NCALD: variants seen among roughly 807,000 people sequenced by gnomAD.
The protein encoded by NCALD is neurocalcin delta.
In NCALD, 10 loss-of-function variants were observed where a neutral mutation model predicts 18.6. The observed-to-expected ratio is 0.54, with a 90% CI of 0.33 to 0.91. The LOEUF is 0.91. Ranked by LOEUF, NCALD falls within the 40% of genes least tolerant of loss-of-function variation. NCALD has a pLI of 0.03. For synonymous variants in NCALD, 88 were observed against 87.4 expected, an observed-to-expected ratio of 1.01 and a Z score of -0.04; for missense variants, 184 against 247.6, an observed-to-expected ratio of 0.74 and a Z score of 1.72.
chr8:101,966,598 A>G (rs546006921), intron 2 of NCALD, among the ~76,000 whole-genome samples: 3 of 152,156 alleles, frequency 2.0e-5, no homozygotes, highest in Admixed American at 6.5e-5. Context: ...AAACCTGCAC[A>G]TTGTGCACAT....
intron 4 of NCALD, among the ~76,000 whole-genome samples, chr8:101,797,816 A>C (rs1018385700): frequency 2.7e-5 from 4 of 149,210 alleles, no homozygotes; most frequent in Admixed American, 1.3e-4. Flanking sequence ...CTCCATCTCA[A>C]AAAAAAAAAA....
At chr8:101,736,211 G>A (rs563914516) in intron 1 of NCALD, among the ~76,000 whole-genome samples, 1 of 152,228 alleles carries the variant, frequency 6.6e-6, no homozygotes, top group African/African-American at 2.4e-5. Context: ...GTCCTGCTCT[G>A]CTGAGAAGCT....
intron 1 of NCALD, among the ~76,000 whole-genome samples, chr8:102,054,108 C>T (rs918189277): frequency 2.0e-5 from 3 of 152,212 alleles, no homozygotes; most frequent in African/African-American, 7.2e-5. Context: ...AGAGTCAAAT[C>T]TTTCTTTCAG....
At chr8:101,974,259 A>G (rs7823856) in intron 2 of NCALD, among the ~76,000 whole-genome samples, 58,039 of 152,102 alleles carry the variant, frequency 0.38, 11,285 homozygotes, top group South Asian at 0.45. Flanking sequence ...CACCAACCTA[A>G]TATAAATAAA....
intron 1 of NCALD, among the ~76,000 whole-genome samples, chr8:102,082,039 C>A (rs1824555793): frequency 6.6e-6 from 1 of 152,062 alleles, no homozygotes; most frequent in Non-Finnish European, 1.5e-5. Flanking sequence ...AGCCCAACAT[C>A]CCCCTCGCCC....
chr8:101,760,693 T>C (rs1811076323), intron 1 of NCALD, among the ~76,000 whole-genome samples: 1 of 152,230 alleles, frequency 6.6e-6, no homozygotes, highest in South Asian at 2.1e-4. Context: ...GGTGTGGCTA[T>C]AGCCTATGTT....
chr8:102,079,204 A>T (rs964408627), intron 1 of NCALD, among the ~76,000 whole-genome samples: 1 of 152,194 alleles, frequency 6.6e-6, no homozygotes, highest in Non-Finnish European at 1.5e-5. Flanking sequence ...AGCTTCAGTG[A>T]GCTTTAGCTT....
intron 2 of NCALD, among the ~76,000 whole-genome samples, chr8:101,700,295 C>T (rs1285513173): frequency 6.6e-6 from 1 of 152,118 alleles, no homozygotes; most frequent in Non-Finnish European, 1.5e-5. Flanking sequence ...AACTCCTGGG[C>T]TTCCTGCCTC....
rs192705623 is a variant in NCALD, at chr8:102,084,542, C to A, written c.-210+39695G>T. On this transcript the variant is annotated intron_variant, in intron 1 of 6. Transcript: ENST00000311028. ...TGCTTCCAGGGTTTATGCCCCTTCT[C>A]CCCTGATTCTTCCCTTGATGGGGTG... 6.6e-5 allele frequency among the ~76,000 whole-genome samples: 10 copies of A among 152,362 alleles called. No individual in the cohort carries two copies. The East Asian group carries it at 1.3e-3, about 21-fold the overall frequency.
chr8:102,028,404 C>T (rs184335674), intron 1 of NCALD, among the ~76,000 whole-genome samples: 1 of 152,330 alleles, frequency 6.6e-6, no homozygotes, highest in African/African-American at 2.4e-5. Flanking sequence ...GCCTCTTTCA[C>T]ATGTGAACTA....
At chr8:101,780,751 G>A (rs768593168) in intron 1 of NCALD, among the ~76,000 whole-genome samples, 8 of 152,146 alleles carry the variant, frequency 5.3e-5, no homozygotes, top group Non-Finnish European at 1.0e-4. Context: ...AACAAAAAAA[G>A]TCCCTGTTAA....
chr8:101,782,765 G>GACCTCTGGGGTTAATCTGTTAACC (rs1333841747), intron 1 of NCALD, among the ~76,000 whole-genome samples: 1 of 152,120 alleles, frequency 6.6e-6, no homozygotes, highest in African/African-American at 2.4e-5. Flanking sequence ...TCATCTCAAT[G>GACCTCTGGGGTTAATCTGTTAACC]CCATATATCC....
intron 2 of NCALD, among the ~76,000 whole-genome samples, chr8:101,999,614 A>G (rs899089566): frequency 6.6e-6 from 1 of 152,144 alleles, no homozygotes; most frequent in South Asian, 2.1e-4. Flanking sequence ...AATCACCACG[A>G]AAGAACTTAT....
At chr8:102,018,125 T>A (rs1490569517) in intron 2 of NCALD, among the ~76,000 whole-genome samples, 1 of 152,212 alleles carries the variant, frequency 6.6e-6, no homozygotes, top group East Asian at 1.9e-4. Flanking sequence ...TTTCATATAT[T>A]GCTGATTGGA....
chr8:101,883,243 G>A lies in NCALD; in HGVS notation c.-20+3898C>T, dbSNP rs1346069696. Among the ~76,000 whole-genome samples the A allele has an allele frequency of 2.0e-5, 3 of 152,110 alleles. No individual in the cohort carries two copies. The East Asian group carries it at 5.8e-4, about 29-fold the overall frequency. ...ACAAAAATTAGCTGGGCATGGTGGT[G>A]CGCACTTGTAGTCCCTGCTACTCAG... On this transcript the variant is annotated intron_variant, in intron 4 of 6. Transcript: ENST00000311028.
chr8:102,013,302 TAGG>T (rs1416218122), intron 2 of NCALD, among the ~76,000 whole-genome samples: 2 of 152,186 alleles, frequency 1.3e-5, no homozygotes, highest in African/African-American at 4.8e-5. Flanking sequence ...ATCAAAGTAA[TAGG>T]AGATGTCATT....
chr8:101,849,232 A>T (rs922857247), intron 4 of NCALD, among the ~76,000 whole-genome samples: 8 of 152,150 alleles, frequency 5.3e-5, no homozygotes, highest in African/African-American at 1.9e-4. Context: ...AGCATCAGGA[A>T]GAACACCTAA....
In NCALD at chr8:102,018,472, C is replaced by T. The variant is rs145297055; in HGVS notation, c.-157+1765G>A. On this transcript the variant is annotated intron_variant, in intron 2 of 6. Transcript: ENST00000311028. The stretch of plus-strand genomic sequence containing the variant: ...ATGGATGAATCTCAAAAAAAATGCG[C>T]CAAGTGAAAAAATCTGAAACAAAGG... Among the ~76,000 whole-genome samples the T allele has an allele frequency of 2.6e-5, 4 of 152,158 alleles. No homozygotes were observed. In the East Asian group the frequency reaches 7.7e-4, roughly 29 times the overall value.
At chr8:102,039,340 G>A (rs527857644) in intron 1 of NCALD, among the ~76,000 whole-genome samples, 1 of 152,266 alleles carries the variant, frequency 6.6e-6, no homozygotes, top group East Asian at 1.9e-4. Context: ...TAGAATATGG[G>A]TTGCTGATGT....
Sources: allele counts gnomAD v4.1 joint callset (sites outside exome capture counted in the v4.1 genomes callset), GRCh38; gene constraint gnomAD v4.1.1; transcripts MANE v1.5; gene names NCBI Gene and HGNC (gene_info 2026-07-23, HGNC 2026-07-21).